The following CEP112 variants were observed in gnomAD, a reference collection of about 807,000 sequenced individuals.
CEP112 encodes centrosomal protein of 112 kDa.
In CEP112, 127 loss-of-function variants were observed where a neutral mutation model predicts 153.0. That is an observed-to-expected ratio of 0.83 (90% CI 0.72 to 0.96). CEP112 has a LOEUF of 0.96. CEP112 is among the 40% of genes least tolerant of loss of function. The pLI is 0.00. For missense variants in CEP112, 1,089 were observed against 1,101.2 expected (o/e 0.99, Z 0.16); for synonymous variants, 358 against 374.4 (o/e 0.96, Z 0.51).
chr17:66,001,482 C>T (rs1448734312), intron 17 of CEP112, among the ~76,000 whole-genome samples: 2 of 152,048 alleles, frequency 1.3e-5, no homozygotes, highest in African/African-American at 2.4e-5. Context: ...ACATTAGTGT[C>T]AGGGTTAAAA....
At chr17:65,918,979 A>G (rs1264207427) in intron 19 of CEP112, among the ~76,000 whole-genome samples, 2 of 152,230 alleles carry the variant, frequency 1.3e-5, no homozygotes, top group Non-Finnish European at 2.9e-5. Flanking sequence ...AAGTCCATTC[A>G]TTCCCTCTGA....
intron 16 of CEP112, among the ~76,000 whole-genome samples, chr17:66,013,022 C>T (rs753331957): frequency 2.0e-5 from 3 of 152,006 alleles, no homozygotes; most frequent in Non-Finnish European, 4.4e-5. Flanking sequence ...ACTGTTAACA[C>T]TTGTGATTGT....
At chr17:65,750,588 T>C in intron 22 of CEP112, 74 bp downstream of exon 22, 2 of 1,256,268 alleles carry the variant, frequency 1.6e-6, no homozygotes, top group Non-Finnish European at 2.3e-6. Context: ...AACTTGAAAG[T>C]GCCAAGGCTT....
chr17:66,168,368 C>CA (rs1051839373), intron 4 of CEP112, among the ~76,000 whole-genome samples: 1 of 151,220 alleles, frequency 6.6e-6, no homozygotes, highest in African/African-American at 2.4e-5. Flanking sequence ...TAGATCTTGC[C>CA]ATAATAACCT....
intron 8 of CEP112, among the ~76,000 whole-genome samples, chr17:66,095,485 G>A (rs2068303917): frequency 6.6e-6 from 1 of 152,148 alleles, no homozygotes; most frequent in African/African-American, 2.4e-5. Context: ...CACAAAAGTA[G>A]AGAAATGGTG....
chr17:66,096,108 C>G (rs1235483254), intron 8 of CEP112, 143 bp downstream of exon 8: 1 of 573,612 alleles, frequency 1.7e-6, no homozygotes, highest in Admixed American at 3.3e-5. Context: ...ACCCTGCCTA[C>G]CATGCATCAT....
chr17:66,156,954 T>C (rs2071469649), intron 4 of CEP112, among the ~76,000 whole-genome samples: 2 of 152,128 alleles, frequency 1.3e-5, no homozygotes, highest in African/African-American at 4.8e-5. Context: ...AAAACACTCT[T>C]CAGGATATTA....
intron 24 of CEP112, among the ~76,000 whole-genome samples, chr17:65,687,854 A>G (rs1436608968): frequency 6.6e-6 from 1 of 152,228 alleles, no homozygotes; most frequent in Non-Finnish European, 1.5e-5. Flanking sequence ...TAATATGCCA[A>G]TATTCCTGTA....
chr17:65,838,877 G>A lies in CEP112; in HGVS notation c.2394+12927C>T, dbSNP rs555907716. ...TAGAGTCTATTATAAACATCTACAC[G>A]CCAACAAAATGGAAAGCCTATTAAC... On this transcript the variant is annotated intron_variant, in intron 21 of 26. Coordinates refer to ENST00000535342, the MANE Select transcript of CEP112 (RefSeq NM_001199165.4). Among the ~76,000 whole-genome samples, 15 of 152,050 alleles carry A rather than the reference G, an allele frequency of 9.9e-5. No individual in the cohort carries two copies. In the East Asian group the frequency reaches 1.9e-3, roughly 20 times the overall value.
chr17:65,956,329 T>C (rs572241237), intron 18 of CEP112, among the ~76,000 whole-genome samples: 6 of 151,644 alleles, frequency 4.0e-5, no homozygotes, highest in South Asian at 4.2e-4. Context: ...CAATTTGTAA[T>C]TGCAAAAATA....
intron 8 of CEP112, among the ~76,000 whole-genome samples, chr17:66,087,180 G>A (rs938826469): frequency 3.3e-5 from 5 of 152,086 alleles, no homozygotes; most frequent in African/African-American, 1.2e-4. Context: ...AAAAAATAAA[G>A]TCAAACACAT....
At chr17:65,806,551 C>A (rs943766152) in intron 21 of CEP112, among the ~76,000 whole-genome samples, 1 of 152,184 alleles carries the variant, frequency 6.6e-6, no homozygotes, top group South Asian at 2.1e-4. Context: ...TCCCCACATA[C>A]TGGGGGAGGG....
At chr17:66,046,241 A>G (rs953497332) in intron 12 of CEP112, among the ~76,000 whole-genome samples, 2 of 151,988 alleles carry the variant, frequency 1.3e-5, no homozygotes, top group African/African-American at 2.4e-5. Context: ...ATGGGGTTTC[A>G]CTGTATTAGC....
chr17:65,957,919 T>G (rs1316947418), intron 18 of CEP112, among the ~76,000 whole-genome samples: 1 of 152,168 alleles, frequency 6.6e-6, no homozygotes, highest in Non-Finnish European at 1.5e-5. Context: ...TTTAGTATAT[T>G]TTGCTTCTCC....
chr17:66,096,442 GA>G, intron 7 of CEP112, 114 bp from the exon 8 acceptor site: 2 of 1,164,576 alleles, frequency 1.7e-6, no homozygotes, highest in Non-Finnish European at 2.5e-6. Context: ...AACACTGCAG[GA>G]AAAAATCACT....
intron 24 of CEP112, chr17:65,655,387 G>A: frequency 6.5e-7 from 1 of 1,540,246 alleles, no homozygotes; most frequent in Admixed American, 1.7e-5. Context: ...CTCAACTCCA[G>A]TAAAGAACTA....
intron 6 of CEP112, among the ~76,000 whole-genome samples, chr17:66,123,810 T>C (rs2069711986): frequency 6.6e-6 from 1 of 152,250 alleles, no homozygotes; most frequent in Admixed American, 6.5e-5. Context: ...AGAAGTGTGT[T>C]GTTTAATTTC....
chr17:65,658,513 T>C (rs1002125359), intron 24 of CEP112, among the ~76,000 whole-genome samples: 2 of 152,136 alleles, frequency 1.3e-5, no homozygotes, highest in African/African-American at 4.8e-5. Flanking sequence ...GACAAGGCAA[T>C]GGGTACAGTA....
chr17:65,782,423 C>A (rs1211552294), intron 21 of CEP112, among the ~76,000 whole-genome samples: 1 of 152,142 alleles, frequency 6.6e-6, no homozygotes, highest in African/African-American at 2.4e-5. Flanking sequence ...CTGTGGAAAG[C>A]AGTTTGGAGA....
Sources: allele counts gnomAD v4.1 joint callset (sites outside exome capture counted in the v4.1 genomes callset), GRCh38; gene constraint gnomAD v4.1.1; transcripts MANE v1.5; gene names NCBI Gene and HGNC (gene_info 2026-07-23, HGNC 2026-07-21).